Variants in GRM7 observed in about 807,000 individuals in gnomAD.
GRM7 encodes the protein glutamate metabotropic receptor 7, also known as metabotropic glutamate receptor 7.
In GRM7, 35 loss-of-function variants were observed where a neutral mutation model predicts 84.5. That is an observed-to-expected ratio of 0.41 (90% confidence interval 0.32 to 0.55). The LOEUF is 0.55. Among genes scored for constraint, GRM7 ranks in the 20% least tolerant of loss-of-function variants. The pLI is 0.19. For synonymous variants in GRM7, 487 were observed against 455.1 expected (o/e 1.07, Z -0.89); for missense variants, 1,003 against 1,194.6 (o/e 0.84, Z 2.36).
At chr3:6,869,601 A>G (rs191989817) in intron 1 of GRM7, among the ~76,000 whole-genome samples, 61 of 152,042 alleles carry the variant, frequency 4.0e-4, no homozygotes, top group Non-Finnish European at 6.9e-4. Flanking sequence ...CTATCTATCT[A>G]TGGAGACAGA....
intron 1 of GRM7, among the ~76,000 whole-genome samples, chr3:7,125,137 G>A (rs1165921431): frequency 2.6e-5 from 4 of 151,960 alleles, no homozygotes; most frequent in South Asian, 2.1e-4. Context: ...ATGGGGTTTC[G>A]CCTTGTTGGC....
At chr3:6,891,584 G>A (rs1695948712) in intron 1 of GRM7, among the ~76,000 whole-genome samples, 1 of 152,174 alleles carries the variant, frequency 6.6e-6, no homozygotes, top group South Asian at 2.1e-4. Flanking sequence ...GGCTTGTAGA[G>A]TTTCTGCCGA....
chr3:6,934,683 G>T (rs1009850994), intron 1 of GRM7, among the ~76,000 whole-genome samples: 2 of 152,124 alleles, frequency 1.3e-5, no homozygotes, highest in African/African-American at 2.4e-5. Context: ...TGGTGCAGGT[G>T]AGACATGATC....
chr3:7,080,672 A>G (rs1698247085), intron 1 of GRM7, among the ~76,000 whole-genome samples: 1 of 144,466 alleles, frequency 6.9e-6, no homozygotes, highest in Non-Finnish European at 1.5e-5. Context: ...AAACACGCAC[A>G]TGTGTGTATA....
intron 1 of GRM7, among the ~76,000 whole-genome samples, chr3:7,139,098 CTA>C (rs1311394921): frequency 2.0e-5 from 3 of 146,838 alleles, no homozygotes; most frequent in African/African-American, 7.4e-5. Context: ...ATATTATACT[CTA>C]TAATATAATA....
At chr3:6,885,097 C>T (rs533867575) in intron 1 of GRM7, among the ~76,000 whole-genome samples, 1 of 152,138 alleles carries the variant, frequency 6.6e-6, no homozygotes, top group Admixed American at 6.5e-5. Context: ...AGGTTCTATA[C>T]ACACCTGATG....
Position 7,151,952 on chromosome 3 carries a change from GA to G in GRM7, c.736+5288del, listed in dbSNP as rs967452793. ...TTCTGTCTATGTCATGGTGATTATGGAAAACTCTGACACATTTTAAAACTAG... is the reference window on the plus strand; with the variant it reads ...TTCTGTCTATGTCATGGTGATTATGGAAACTCTGACACATTTTAAAACTAG... On this transcript the variant is annotated intron_variant, in intron 2 of 9. Transcript: ENST00000357716. This position sits in a 1 kb window ranked among gnomAD's most constrained non-coding sequence, Gnocchi z 4.5. Among the ~76,000 whole-genome samples, 8 of 151,850 alleles carry G rather than the reference GA, an allele frequency of 5.3e-5. No homozygotes were observed. Among genetic ancestry groups the G allele is most frequent in the Admixed American group, 3.9e-4 (6 of 15,240 alleles).
intron 2 of GRM7, among the ~76,000 whole-genome samples, chr3:7,178,093 A>G (rs1695213525): frequency 6.6e-6 from 1 of 152,166 alleles, no homozygotes; most frequent in African/African-American, 2.4e-5. Context: ...AAGCACATCT[A>G]TTGGCCAAGG....
In GRM7 at chr3:6,970,941, G is replaced by GCC. The variant is rs1331028487; in HGVS notation, c.519+109034_519+109035insCC. Among the ~76,000 whole-genome samples, 4 of 151,890 alleles carry GCC rather than the reference G, an allele frequency of 2.6e-5. No individual in the cohort carries two copies. In the East Asian group the frequency reaches 5.8e-4, roughly 22 times the overall value. Reference sequence around the variant, plus strand: ...AGGTTGCAGTGAGCCAAGATCGTACGACTACACTCCAGCCTGGGCCACAGA... The same window carrying GCC: ...AGGTTGCAGTGAGCCAAGATCGTACGCCACTACACTCCAGCCTGGGCCACAGA... On this transcript the variant is annotated intron_variant, in intron 1 of 9. Coordinates refer to ENST00000357716, the MANE Select transcript of GRM7 (RefSeq NM_000844.4).
chr3:6,896,736 C>T (rs1022905883), intron 1 of GRM7, among the ~76,000 whole-genome samples: 4 of 151,276 alleles, frequency 2.6e-5, no homozygotes, highest in African/African-American at 9.7e-5. Context: ...TGTGTGCAGG[C>T]TGAAGATTTT....
At chr3:7,442,485 C>T (rs149548750) in intron 5 of GRM7, among the ~76,000 whole-genome samples, 14 of 141,654 alleles carry the variant, frequency 9.9e-5, no homozygotes, top group Admixed American at 1.5e-4. Flanking sequence ...CTAGAACTTG[C>T]GATTATGACT....
intron 4 of GRM7, among the ~76,000 whole-genome samples, chr3:7,332,070 C>T (rs758062000): frequency 5.9e-5 from 9 of 152,088 alleles, no homozygotes; most frequent in African/African-American, 7.2e-5. Context: ...ATTTTCCTTT[C>T]GTCTAGAGTA....
rs900074639 is a variant in GRM7 at position 7,151,436 on chromosome 3, T to A, written c.736+4768T>A. 6.6e-6 allele frequency among the ~76,000 whole-genome samples: 1 copy of A among 151,930 alleles called. No individual in the cohort carries two copies. Among genetic ancestry groups the A allele is most frequent in the Admixed American group, 6.6e-5 (1 of 15,248 alleles). On this transcript the variant is annotated intron_variant, in intron 2 of 9. Transcript: ENST00000357716. The surrounding 1 kb of genome is among the most constrained non-coding windows in gnomAD (Gnocchi z 4.5). ...CAAACAACAAACAAACAAACAAACA[T>A]ACAAACAAAAACCAGAGCTAGATGG...
At chr3:7,409,359 A>C (rs990649009) in intron 4 of GRM7, among the ~76,000 whole-genome samples, 1 of 151,552 alleles carries the variant, frequency 6.6e-6, no homozygotes, top group Non-Finnish European at 1.5e-5. Flanking sequence ...GAAAGCTTCA[A>C]CTTTTCCTGA....
chr3:7,656,539 A>ATATG, intron 8 of GRM7, among the ~76,000 whole-genome samples: 1 of 67,692 alleles, frequency 1.5e-5, no homozygotes, highest in East Asian at 4.5e-4. Flanking sequence ...ATATATATAT[A>ATATG]CGCGCGCGCA....
rs151235939 is a variant in GRM7 at position 7,597,535 on chromosome 3, A to G, written c.2451+18178A>G. Among the ~76,000 whole-genome samples the G allele has an allele frequency of 2.4e-4, 36 of 152,272 alleles. No homozygotes were observed. The East Asian group carries it at 7.0e-3, about 29-fold the overall frequency. On this transcript the variant is annotated intron_variant, in intron 8 of 9. Coordinates refer to ENST00000357716, the MANE Select transcript of GRM7 (RefSeq NM_000844.4). ...CTGCAGTCCAGCAGACTGTTCCATG[A>G]TCTTCCATTACCAGACTCAAATATA...
At chr3:7,415,896 T>G (rs999290381) in intron 5 of GRM7, among the ~76,000 whole-genome samples, 1 of 152,156 alleles carries the variant, frequency 6.6e-6, no homozygotes, top group Non-Finnish European at 1.5e-5. Context: ...CTGTAATCCA[T>G]GTTCTGAGTG....
At chr3:7,099,462 A>C (rs114557294) in intron 1 of GRM7, among the ~76,000 whole-genome samples, 2,750 of 142,022 alleles carry the variant, frequency 0.019, 190 homozygotes, top group African/African-American at 0.073. Flanking sequence ...TGTACATACA[A>C]ATACATATAC....
Position 6,895,529 on chromosome 3 carries a change from G to A in GRM7, c.519+33622G>A, listed in dbSNP as rs1214705381. 2.0e-5 allele frequency among the ~76,000 whole-genome samples: 3 copies of A among 152,218 alleles called. No individual in the cohort carries two copies. In the East Asian group the frequency reaches 5.8e-4, roughly 29 times the overall value. Reference sequence around the variant, plus strand: ...TATTTTCATTTTACAAATTAGGAAAGTGAAGCTCAGAGATACTGTCATTTG... The same window carrying A: ...TATTTTCATTTTACAAATTAGGAAAATGAAGCTCAGAGATACTGTCATTTG... On this transcript the variant is annotated intron_variant, in intron 1 of 9. Coordinates refer to ENST00000357716, the MANE Select transcript of GRM7 (RefSeq NM_000844.4).
Sources: gnomAD v4.1 joint callset for allele counts (sites outside exome capture counted in the v4.1 genomes callset) on GRCh38, gnomAD v4.1.1 for gene constraint, Gnocchi (gnomAD v3.1) non-coding constraint, MANE v1.5 for transcripts, NCBI Gene and HGNC (gene_info 2026-07-23, HGNC 2026-07-21) for gene names.